The following FAM110B variants were observed in gnomAD, a reference collection of about 807,000 sequenced individuals.
The protein encoded by FAM110B is family with sequence similarity 110 member B.
Under a neutral mutation model 20.4 loss-of-function variants are expected in FAM110B, and 6 were observed. That is an observed-to-expected ratio of 0.29 (90% CI 0.16 to 0.58). The LOEUF (loss-of-function observed/expected upper bound fraction) is 0.58. Among genes scored for constraint, FAM110B ranks in the 20% least tolerant of loss-of-function variants. The pLI is 0.90. For synonymous variants in FAM110B, 226 were observed against 214.1 expected (o/e 1.06, Z -0.49); for missense variants, 434 against 498.2 (o/e 0.87, Z 1.23).
At chr8:58,128,932 C>T (rs746184578) in intron 3 of FAM110B, among the ~76,000 whole-genome samples, 1 of 152,062 alleles carries the variant, frequency 6.6e-6, no homozygotes, top group African/African-American at 2.4e-5. Context: ...TCTTCATAGA[C>T]GTATTGGCTG....
chr8:58,061,001 A>G (rs1805645778), intron 2 of FAM110B, among the ~76,000 whole-genome samples: 1 of 152,164 alleles, frequency 6.6e-6, no homozygotes, highest in African/African-American at 2.4e-5. Flanking sequence ...TTAAGGGCAA[A>G]TAAAATTAAC....
At chr8:58,093,260 C>T (rs368828106) in intron 3 of FAM110B, among the ~76,000 whole-genome samples, 4 of 152,284 alleles carry the variant, frequency 2.6e-5, no homozygotes, top group East Asian at 3.9e-4. Flanking sequence ...TTAATTAGAT[C>T]CCATTCGTCA....
intron 3 of FAM110B, among the ~76,000 whole-genome samples, chr8:58,141,786 T>C (rs1803749558): frequency 6.6e-6 from 1 of 152,212 alleles, no homozygotes; most frequent in East Asian, 1.9e-4. Flanking sequence ...GCGTCAACAA[T>C]GAGCCACATT....
chr8:58,096,725 A>G (rs1433273404), intron 3 of FAM110B, among the ~76,000 whole-genome samples: 2 of 152,144 alleles, frequency 1.3e-5, no homozygotes, highest in Non-Finnish European at 2.9e-5. Flanking sequence ...GAGCTCTTGT[A>G]AGGCAAGCCT....
intron 1 of FAM110B, among the ~76,000 whole-genome samples, chr8:58,019,143 T>C (rs766993388): frequency 6.6e-6 from 1 of 151,194 alleles, no homozygotes; most frequent in Non-Finnish European, 1.5e-5. Flanking sequence ...GAGACCATCC[T>C]GGCCAACGTG....
chr8:58,120,380 G>A (rs1053373294), intron 3 of FAM110B, among the ~76,000 whole-genome samples: 6 of 151,038 alleles, frequency 4.0e-5, no homozygotes, highest in South Asian at 2.1e-4. Context: ...CCACTTTTTC[G>A]TCTTCCTGAT....
intron 2 of FAM110B, among the ~76,000 whole-genome samples, chr8:58,058,318 A>G (rs1210784684): frequency 2.9e-5 from 4 of 138,118 alleles, no homozygotes; most frequent in Non-Finnish European, 6.2e-5. Context: ...TTTAAGAACG[A>G]TATCAGAGAC....
intron 1 of FAM110B, among the ~76,000 whole-genome samples, chr8:58,022,788 T>C (rs1804781713): frequency 6.6e-6 from 1 of 152,218 alleles, no homozygotes; most frequent in Non-Finnish European, 1.5e-5. Flanking sequence ...CATTGCCACC[T>C]GCTCTGGAAA....
chr8:58,042,750 T>G, intron 2 of FAM110B, among the ~76,000 whole-genome samples: 1 of 152,256 alleles, frequency 6.6e-6, no homozygotes, highest in African/African-American at 2.4e-5. Context: ...TTCTACTATC[T>G]AAAACTGTAA....
intron 1 of FAM110B, among the ~76,000 whole-genome samples, chr8:58,008,213 A>C (rs1585806562): frequency 1.3e-5 from 2 of 149,068 alleles, no homozygotes; most frequent in Admixed American, 1.3e-4. Flanking sequence ...GCTTACTGCA[A>C]CCTCCACCTT....
intron 2 of FAM110B, among the ~76,000 whole-genome samples, chr8:58,045,382 C>T (rs1328995452): frequency 3.3e-5 from 5 of 152,182 alleles, no homozygotes; most frequent in Non-Finnish European, 5.9e-5. Flanking sequence ...TTATCTGTTT[C>T]TTGACTGCTC....
At chr8:58,121,644 C>T (rs1399392799) in intron 3 of FAM110B, among the ~76,000 whole-genome samples, 1 of 152,194 alleles carries the variant, frequency 6.6e-6, no homozygotes, top group Non-Finnish European at 1.5e-5. Flanking sequence ...TTAACCATGC[C>T]TCTTTGCTTA....
chr8:58,145,750 C>T (rs983883193), intron 3 of FAM110B, among the ~76,000 whole-genome samples, 157 bp from the exon 4 acceptor site: 3 of 152,116 alleles, frequency 2.0e-5, no homozygotes, highest in African/African-American at 4.8e-5. Context: ...AGGCCCGGGT[C>T]GTCCCCCTCG....
intron 2 of FAM110B, among the ~76,000 whole-genome samples, chr8:58,073,152 C>T (rs906479703): frequency 2.6e-5 from 4 of 152,120 alleles, no homozygotes; most frequent in African/African-American, 9.7e-5. Context: ...GGACACTTAA[C>T]CATATGCTAA....
At chr8:58,144,628 A>G (rs548042389) in intron 3 of FAM110B, among the ~76,000 whole-genome samples, 1 of 152,354 alleles carries the variant, frequency 6.6e-6, no homozygotes, top group African/African-American at 2.4e-5. Context: ...ATACCAGCAG[A>G]TGTGGTTGTA....
At chr8:58,027,034 C>T (rs867209830) in intron 1 of FAM110B, among the ~76,000 whole-genome samples, 50 of 152,142 alleles carry the variant, frequency 3.3e-4, no homozygotes, top group African/African-American at 1.1e-3. Flanking sequence ...AGTGGGTAGT[C>T]TTTCACAGTG....
At chr8:58,119,730 T>C (rs745428340) in intron 3 of FAM110B, among the ~76,000 whole-genome samples, 6 of 152,216 alleles carry the variant, frequency 3.9e-5, no homozygotes, top group Non-Finnish European at 7.3e-5. Flanking sequence ...TCTTCAGGGT[T>C]GTACTGCTTC....
chr8:58,001,719 A>G (rs1372737097), intron 1 of FAM110B, among the ~76,000 whole-genome samples: 16 of 152,154 alleles, frequency 1.1e-4, no homozygotes, highest in Non-Finnish European at 2.9e-5. Flanking sequence ...ATATTAGCAA[A>G]TACCTTTATA....
At chr8:58,085,548 T>C (rs1184477627) in intron 3 of FAM110B, among the ~76,000 whole-genome samples, 2 of 152,152 alleles carry the variant, frequency 1.3e-5, no homozygotes, top group Admixed American at 6.5e-5. Context: ...ACTTCTAGAT[T>C]TAATTTAAGA....
Sources: allele counts gnomAD v4.1 joint callset (sites outside exome capture counted in the v4.1 genomes callset), GRCh38; gene constraint gnomAD v4.1.1; transcripts MANE v1.5; gene names NCBI Gene and HGNC (gene_info 2026-07-23, HGNC 2026-07-21).